ADAMTSL2: variants seen among roughly 807,000 people sequenced by gnomAD.
ADAMTSL2 encodes the protein ADAMTS like 2, also known as ADAMTS-like protein 2.
Under a neutral mutation model 117.0 loss-of-function variants are expected in ADAMTSL2, and 55 were observed. The observed-to-expected ratio is 0.47, with a 90% CI of 0.38 to 0.59. The LOEUF is 0.59. Among genes scored for constraint, ADAMTSL2 ranks in the 20% least tolerant of loss-of-function variants. The probability of loss-of-function intolerance (pLI) is 0.00; values close to 1 mark genes in which losing one functional copy is unlikely to be tolerated. For missense variants in ADAMTSL2, 1,182 were observed against 1,354.5 expected (o/e 0.87, Z 2.00); for synonymous variants, 572 against 566.4 (o/e 1.01, Z -0.14).
intron 12 of ADAMTSL2, among the ~76,000 whole-genome samples, chr9:133,562,317 G>C (rs1830746507): frequency 6.6e-6 from 1 of 152,250 alleles, no homozygotes; most frequent in South Asian, 2.1e-4. Context: ...CTGAAGAAAG[G>C]GCTCTGCCTC....
At chr9:133,565,119 G>A (rs1376890155) in intron 12 of ADAMTSL2, among the ~76,000 whole-genome samples, 4 of 152,122 alleles carry the variant, frequency 2.6e-5, no homozygotes, top group Admixed American at 1.3e-4. Flanking sequence ...TGGATCCTGC[G>A]GCCCCCAGGC....
intron 11 of ADAMTSL2, 69 bp from the exon 12 acceptor site, chr9:133,561,129 T>C (rs1830717799): frequency 2.1e-6 from 3 of 1,398,178 alleles, no homozygotes; most frequent in Non-Finnish European, 3.0e-6. Flanking sequence ...CTCCCTCGCC[T>C]GAAAAGCCGG....
chr9:133,559,438 G>A (rs1359347940), intron 11 of ADAMTSL2, among the ~76,000 whole-genome samples: 1 of 144,596 alleles, frequency 6.9e-6, no homozygotes, highest in Non-Finnish European at 1.5e-5. Flanking sequence ...CTGCCTCCCA[G>A]GTTCATGCCA....
At chr9:133,566,764 C>T (rs1270279808) in intron 12 of ADAMTSL2, 172 bp from the exon 13 acceptor site, 10 of 864,360 alleles carry the variant, frequency 1.2e-5, no homozygotes, top group Admixed American at 4.0e-5. Context: ...CAGACCCGCA[C>T]AGCTCAGACC....
intron 9 of ADAMTSL2, among the ~76,000 whole-genome samples, chr9:133,551,823 T>G (rs13300066): frequency 4.3e-5 from 3 of 69,628 alleles, no homozygotes; most frequent in Non-Finnish European, 1.1e-4. Context: ...TTTTTTTTTT[T>G]TTTTTTTTTT....
chr9:133,537,744 C>T (rs970624744), intron 3 of ADAMTSL2, among the ~76,000 whole-genome samples, 197 bp downstream of exon 3: 1 of 152,226 alleles, frequency 6.6e-6, no homozygotes, highest in Non-Finnish European at 1.5e-5. Context: ...GCTCTGGGGT[C>T]CTTCATGCTT....
rs899148908 is a variant in ADAMTSL2, at chr9:133,558,229, G to A, written c.1649+2299G>A. Among the ~76,000 whole-genome samples the A allele has an allele frequency of 5.8e-4, 88 of 152,278 alleles. No homozygotes were observed. Among genetic ancestry groups the A allele is most frequent in the African/African-American group, 1.9e-3 (78 of 41,564 alleles). On this transcript the variant is annotated intron_variant, in intron 11 of 18. Coordinates refer to ENST00000651351, the MANE Select transcript of ADAMTSL2 (RefSeq NM_014694.4). The surrounding 1 kb of genome is among the most constrained non-coding windows in gnomAD (Gnocchi z 4.3). ...CTGAGATGCCGCTGCTCCCCCGGCC[G>A]GCCTGCCATCAAAGGATGCTGCCGC...
chr9:133,553,617 C>CTG (rs1033238983), intron 9 of ADAMTSL2, among the ~76,000 whole-genome samples: 11 of 152,164 alleles, frequency 7.2e-5, no homozygotes, highest in Non-Finnish European at 1.3e-4. Context: ...CCGGGGGTCT[C>CTG]TGTGCTCCAG....
At chr9:133,571,109 G>T (rs962474954) in intron 17 of ADAMTSL2, among the ~76,000 whole-genome samples, 1 of 152,160 alleles carries the variant, frequency 6.6e-6, no homozygotes, top group East Asian at 1.9e-4. Context: ...TTTGTAGAGG[G>T]GAGGAGAGCC....
Position 133,568,459 on chromosome 9 carries a change from C to T in ADAMTSL2, c.2061C>T (p.Pro687=), listed in dbSNP as rs930030854. The change falls in exon 14 of 19, where the codon CCC becomes CCT. Residue 687 remains proline, a synonymous_variant. Coordinates refer to ENST00000651351, the MANE Select transcript of ADAMTSL2 (RefSeq NM_014694.4). The stretch of plus-strand genomic sequence containing the variant: ...CCTGCCGGAACCCCGCCTGCGGGCC[C>T]CAGTGGGAGATGTCGGAGTGGTCCG... The part of the protein sequence containing the change: ...RKTCRNPACG[P]QWEMSEWSEC... 1 of 1,607,204 alleles carries T rather than the reference C, an allele frequency of 6.2e-7. No homozygotes were observed. The highest frequency in any genetic ancestry group is 8.5e-7 in the Non-Finnish European group (1 of 1,177,680).
chr9:133,545,773 T>C (rs937071208), intron 8 of ADAMTSL2, among the ~76,000 whole-genome samples: 3 of 152,076 alleles, frequency 2.0e-5, no homozygotes. Flanking sequence ...GGAAGGAAGG[T>C]CATTACTGTC....
At chr9:133,566,897 C>G in intron 12 of ADAMTSL2, 39 bp from the exon 13 acceptor site, 1 of 1,588,166 alleles carries the variant, frequency 6.3e-7, no homozygotes, top group Non-Finnish European at 8.6e-7. Flanking sequence ...CTCCAAGGTG[C>G]CGGCATGGCT....
chr9:133,533,668 G>T (rs1484884907), upstream of ADAMTSL2, among the ~76,000 whole-genome samples: 1 of 152,324 alleles, frequency 6.6e-6, no homozygotes, highest in East Asian at 1.9e-4. Flanking sequence ...ACTTTCTCAT[G>T]AAGGCAGCTG....
rs545937659 is a variant in ADAMTSL2, at chr9:133,538,576, C to T, written c.309+152C>T. The T allele has an allele frequency of 4.0e-4, 344 of 855,510 alleles. 2 individuals are homozygous for T. In the East Asian group the frequency reaches 7.2e-3, roughly 18 times the overall value. The allele number at this position is 855,510 out of a possible 1,614,324, so 53.0% of individuals were successfully genotyped here. ...CCCAGGAGCAGGGTTGAGAAGGCTGCGGGGGGCCCTGGGCTAGTACGGAGC... is the reference window on the plus strand; with the variant it reads ...CCCAGGAGCAGGGTTGAGAAGGCTGTGGGGGGCCCTGGGCTAGTACGGAGC... On this transcript the variant is annotated intron_variant, in intron 4 of 18. Transcript: ENST00000651351.
At chr9:133,540,778 T>C (rs927493481) in intron 6 of ADAMTSL2, 35 bp downstream of exon 6, 1 of 1,613,548 alleles carries the variant, frequency 6.2e-7, no homozygotes, top group Non-Finnish European at 8.5e-7. Flanking sequence ...ACCGCCGGTC[T>C]CACTGTGCTG....
intron 3 of ADAMTSL2, 68 bp from the exon 4 acceptor site, chr9:133,538,281 G>A (rs1356189189): frequency 3.1e-6 from 5 of 1,591,244 alleles, no homozygotes; most frequent in African/African-American, 2.7e-5. Flanking sequence ...GTGGCCGTGG[G>A]GCCAGCCCAG....
intron 4 of ADAMTSL2, among the ~76,000 whole-genome samples, chr9:133,539,356 G>A (rs1011881822): frequency 6.6e-5 from 10 of 152,294 alleles, no homozygotes; most frequent in South Asian, 2.1e-4. Flanking sequence ...CCTGATTTAC[G>A]CAGTGTGCAT....
chr9:133,544,355 T>G (rs1428040373), intron 7 of ADAMTSL2, 115 bp from the exon 8 acceptor site: 1 of 897,250 alleles, frequency 1.1e-6, no homozygotes, highest in Non-Finnish European at 1.9e-6. Context: ...GTGTGGGGGT[T>G]GGGCCAGCCC....
intron 8 of ADAMTSL2, 73 bp from the exon 9 acceptor site, chr9:133,546,965 T>C (rs890209881): frequency 1.2e-4 from 185 of 1,487,108 alleles, no homozygotes; most frequent in Non-Finnish European, 1.7e-4. Flanking sequence ...TGGTGGTGGT[T>C]CCCTGAGTTG....
Sources: gnomAD v4.1 joint callset for allele counts (sites outside exome capture counted in the v4.1 genomes callset) on GRCh38, gnomAD v4.1.1 for gene constraint, Gnocchi (gnomAD v3.1) non-coding constraint, MANE v1.5 for transcripts, NCBI Gene and HGNC (gene_info 2026-07-23, HGNC 2026-07-21) for gene names.